The following SERAC1 variants were observed in gnomAD, a reference collection of about 807,000 sequenced individuals.
The protein encoded by SERAC1 is protein SERAC1.
A neutral mutation model predicts 85.7 loss-of-function variants in SERAC1; 36 were observed. That is an observed-to-expected ratio of 0.42 (90% CI 0.32 to 0.55). The LOEUF is 0.55. SERAC1 is among the 20% of genes least tolerant of loss of function. The pLI is 0.11. For synonymous variants in SERAC1, 242 were observed against 265.3 expected, an observed-to-expected ratio of 0.91 and a Z score of 0.85; for missense variants, 629 against 796.2, an observed-to-expected ratio of 0.79 and a Z score of 2.53.
chr6:158,146,625 G>A, intron 6 of SERAC1, 157 bp downstream of exon 6: 1 of 741,686 alleles, frequency 1.3e-6, no homozygotes, highest in Non-Finnish European at 2.1e-6. Context: ...TAGCCAGGGT[G>A]GGTCTTGAAC....
intron 1 of SERAC1, among the ~76,000 whole-genome samples, chr6:158,166,508 A>G (rs547052606): frequency 2.6e-5 from 4 of 152,318 alleles, no homozygotes; most frequent in Admixed American, 2.0e-4. Context: ...ATAAATTTTA[A>G]GTTCAGCATG....
rs186617504 is a variant in SERAC1 at position 158,110,155 on chromosome 6, G to A, written c.*1211C>T. Reference sequence around the variant, plus strand: ...GCCTATAATCACAGCATTTTGGGAGGGTGGCTTGAGATCGGGAGTTTGAGA... The same window carrying A: ...GCCTATAATCACAGCATTTTGGGAGAGTGGCTTGAGATCGGGAGTTTGAGA... On this transcript the variant is annotated 3_prime_UTR_variant, in exon 17 of 17. Transcript: ENST00000647468. 1.3e-5 allele frequency: 2 copies of A among 152,216 alleles called. No homozygotes were observed. Among genetic ancestry groups the A allele is most frequent in the African/African-American group, 2.4e-5 (1 of 41,424 alleles). The allele number at this position is 152,216 out of a possible 1,614,324, so 9.4% of individuals were successfully genotyped here.
intron 10 of SERAC1, among the ~76,000 whole-genome samples, chr6:158,125,295 T>C (rs1355317363): frequency 1.3e-5 from 2 of 152,182 alleles, no homozygotes; most frequent in East Asian, 3.8e-4. Context: ...TATGTACAAC[T>C]ATCATGTACA....
At position 158,119,645 on chromosome 6, in the gene SERAC1, T is replaced by C. The variant is rs140547912; in HGVS notation, c.1167-475A>G. Among the ~76,000 whole-genome samples, 592 of 152,222 alleles carry C rather than the reference T, an allele frequency of 3.9e-3. 6 individuals carry two copies. Among genetic ancestry groups the C allele is most frequent in the African/African-American group, 0.014 (567 of 41,592 alleles). ...TTCAAAGTAACATTCACTCATTGCA[T>C]ATGACGCATTAAAAACTGTAGATAG... On this transcript the variant is annotated intron_variant, in intron 11 of 16. Coordinates refer to ENST00000647468, the MANE Select transcript of SERAC1 (RefSeq NM_032861.4). The surrounding 1 kb of genome is among the most constrained non-coding windows in gnomAD (Gnocchi z 4.5).
In SERAC1 at chr6:158,114,769, T is replaced by C; in HGVS notation, c.1684+20A>G. On this transcript the variant is annotated intron_variant, in intron 15 of 16. Coordinates refer to ENST00000647468, the MANE Select transcript of SERAC1 (RefSeq NM_032861.4). ...TGATGTTAATATAACCCCAATTTCC[T>C]TTATGACAAAAAGTATTACCCTTGC... The C allele has an allele frequency of 1.3e-6, 2 of 1,595,122 alleles. No individual in the cohort carries two copies. The highest frequency in any genetic ancestry group is 1.7e-6 in the Non-Finnish European group (2 of 1,172,174).
chr6:158,120,966 GACCAGCAATCAGTAAT>G lies in SERAC1; in HGVS notation c.1016-407_1016-392del, dbSNP rs1282936583. On this transcript the variant is annotated intron_variant, in intron 10 of 16. Transcript: ENST00000647468. The surrounding 1 kb of genome is among the most constrained non-coding windows in gnomAD (Gnocchi z 4.4). ...GGGTTAATACTAGTTATTTCATCCTGACCAGCAATCAGTAATACCCTTTCATACAAATGAAGAAACT... is the reference window on the plus strand; with the variant it reads ...GGGTTAATACTAGTTATTTCATCCTGACCCTTTCATACAAATGAAGAAACT... Among the ~76,000 whole-genome samples, 2 of 152,142 alleles carry G rather than the reference GACCAGCAATCAGTAAT, an allele frequency of 1.3e-5. No individual in the cohort carries two copies. Among genetic ancestry groups the G allele is most frequent in the Non-Finnish European group, 2.9e-5 (2 of 68,034 alleles).
At chr6:158,115,233 T>G (rs1406819522) in intron 14 of SERAC1, among the ~76,000 whole-genome samples, 1 of 152,252 alleles carries the variant, frequency 6.6e-6, no homozygotes, top group African/African-American at 2.4e-5. Flanking sequence ...TCACAGGATC[T>G]ACTGTCCCAG....
In SERAC1 at chr6:158,117,379, T is replaced by C. The variant is rs1784313670; in HGVS notation, c.1403+348A>G. On this transcript the variant is annotated intron_variant, in intron 13 of 16. Transcript: ENST00000647468. This position sits in a 1 kb window ranked among gnomAD's most constrained non-coding sequence, Gnocchi z 4.3. Reference sequence around the variant, plus strand: ...TGATATTTCTCAGCATCTTTCTCTTTGCTTCCTTTAGCCAGTATGATTGTG... The same window carrying C: ...TGATATTTCTCAGCATCTTTCTCTTCGCTTCCTTTAGCCAGTATGATTGTG... The C allele has an allele frequency of 1.1e-5, 8 of 759,876 alleles. No homozygotes were observed. The highest frequency in any genetic ancestry group is 1.7e-5 in the Non-Finnish European group (8 of 478,904). The allele number at this position is 759,876 out of a possible 1,614,324, so 47.1% of individuals were successfully genotyped here. A position where few individuals can be genotyped will look rare whatever the true frequency, so the allele number is the denominator to read the frequency against.
intron 1 of SERAC1, chr6:158,165,998 C>T (rs1368101821): frequency 6.6e-6 from 1 of 152,186 alleles, no homozygotes; most frequent in Non-Finnish European, 1.5e-5. Flanking sequence ...TGTCACTGAA[C>T]TCAACAACTC....
At chr6:158,141,664 G>C (rs1784918759) in intron 8 of SERAC1, among the ~76,000 whole-genome samples, 1 of 152,140 alleles carries the variant, frequency 6.6e-6, no homozygotes, top group African/African-American at 2.4e-5. Flanking sequence ...AAATCTTGTA[G>C]GGCAGGAAGA....
Position 158,125,368 on chromosome 6 carries a change from G to A in SERAC1, c.1015+2740C>T, listed in dbSNP as rs1379028235. 3.3e-5 allele frequency among the ~76,000 whole-genome samples: 5 copies of A among 152,082 alleles called. No individual in the cohort carries two copies. The South Asian group carries it at 8.3e-4, about 25-fold the overall frequency. On this transcript the variant is annotated intron_variant, in intron 10 of 16. Transcript: ENST00000647468. ...AAAAGAGGCTTCATGCAACATGCAG[G>A]CTAGCTTGCCCTTCAGTCTTCTGCC...
At chr6:158,160,068 T>A (rs1273142840) in intron 1 of SERAC1, among the ~76,000 whole-genome samples, 1 of 152,234 alleles carries the variant, frequency 6.6e-6, no homozygotes, top group African/African-American at 2.4e-5. Flanking sequence ...TTGTTGTTTC[T>A]ATAGTCCTGC....
intron 9 of SERAC1, among the ~76,000 whole-genome samples, chr6:158,130,030 T>C (rs1784639608): frequency 6.6e-6 from 1 of 152,212 alleles, no homozygotes; most frequent in Non-Finnish European, 1.5e-5. Flanking sequence ...TCTTTGGCAG[T>C]TGTTTTAATG....
At chr6:158,141,617 C>G (rs1485619686) in intron 8 of SERAC1, among the ~76,000 whole-genome samples, 3 of 152,174 alleles carry the variant, frequency 2.0e-5, no homozygotes, top group African/African-American at 4.8e-5. Context: ...TTAACCTTTT[C>G]CTGTAAGAAG....
Position 158,117,421 on chromosome 6 carries a change from AAC to A in SERAC1, c.1403+304_1403+305del, listed in dbSNP as rs1784315549. On this transcript the variant is annotated intron_variant, in intron 13 of 16. Transcript: ENST00000647468. The surrounding 1 kb of genome is among the most constrained non-coding windows in gnomAD (Gnocchi z 4.3). ...ATGATTGTGGACACAAGAACAAAAA[AAC>A]ATCACTTTTACTTCTGATAGAAAAG... is the stretch of plus-strand genomic sequence containing the variant. 8.1e-7 allele frequency: 1 copy of A among 1,240,970 alleles called. No individual in the cohort carries two copies. The highest frequency in any genetic ancestry group is 1.5e-5 in the African/African-American group (1 of 65,570). The allele number at this position is 1,240,970 out of a possible 1,614,324, so 76.9% of individuals were successfully genotyped here.
rs1282689915 is a variant in SERAC1 at position 158,111,297 on chromosome 6, TA to T, written c.*68del. On this transcript the variant is annotated 3_prime_UTR_variant, in exon 17 of 17. Transcript: ENST00000647468. ...TATGTTTGCATGATTGCATAGAGCT[TA>T]AAAGAAGAAACAGAACACCAAGTTT... 9.2e-6 allele frequency: 13 copies of T among 1,414,276 alleles called. No homozygotes were observed. Among genetic ancestry groups the T allele is most frequent in the Non-Finnish European group, 1.1e-5 (12 of 1,049,066 alleles). The allele number at this position is 1,414,276 out of a possible 1,614,324, so 87.6% of individuals were successfully genotyped here. A position where few individuals can be genotyped will look rare whatever the true frequency, so the allele number is the denominator to read the frequency against.
chr6:158,153,346 T>G (rs1785250648), intron 3 of SERAC1, among the ~76,000 whole-genome samples: 1 of 152,244 alleles, frequency 6.6e-6, no homozygotes, highest in Non-Finnish European at 1.5e-5. Context: ...TACAACTTAC[T>G]TATTCACTCT....
intron 8 of SERAC1, among the ~76,000 whole-genome samples, chr6:158,131,164 A>G (rs1364799471): frequency 6.6e-6 from 1 of 151,526 alleles, no homozygotes; most frequent in Non-Finnish European, 1.5e-5. Context: ...AATGTCACTA[A>G]TATGCAATAA....
chr6:158,128,673 G>A (rs369342746), intron 9 of SERAC1, among the ~76,000 whole-genome samples: 1 of 152,090 alleles, frequency 6.6e-6, no homozygotes, highest in Non-Finnish European at 1.5e-5. Flanking sequence ...CTGTGCAAGC[G>A]AACAGATTTC....
Sources: allele counts gnomAD v4.1 joint callset (sites outside exome capture counted in the v4.1 genomes callset), GRCh38; gene constraint gnomAD v4.1.1; non-coding constraint Gnocchi (gnomAD v3.1); transcripts MANE v1.5; gene names NCBI Gene and HGNC (gene_info 2026-07-23, HGNC 2026-07-21).